Variants in CRYBG3 observed in about 807,000 individuals in gnomAD.
The protein encoded by CRYBG3 is crystallin beta-gamma domain containing 3, also known as very large A-kinase anchor protein.
In CRYBG3, 127 loss-of-function variants were observed where a neutral mutation model predicts 244.2. The ratio of observed to expected loss-of-function variants is 0.52; its 90% confidence interval spans 0.45 to 0.60. The LOEUF is 0.60. CRYBG3 is among the 20% of genes least tolerant of loss of function. CRYBG3 has a pLI of 0.00. For synonymous variants in CRYBG3, 1,132 were observed against 1,195.8 expected, an observed-to-expected ratio of 0.95 and a Z score of 1.10; for missense variants, 3,325 against 3,442.5, an observed-to-expected ratio of 0.97 and a Z score of 0.85.
intron 2 of CRYBG3, 137 bp from the exon 3 acceptor site, chr3:97,864,080 C>A (rs1232523399): frequency 3.5e-5 from 24 of 689,838 alleles, no homozygotes; most frequent in Non-Finnish European, 5.4e-5. Flanking sequence ...TTGTGAACTG[C>A]CCAAAGGAAC....
In CRYBG3 at chr3:97,846,919, G is replaced by A. The variant is rs537593130; in HGVS notation, c.216+3658G>A. Among the ~76,000 whole-genome samples, 14 of 152,254 alleles carry A rather than the reference G, an allele frequency of 9.2e-5. 1 individual carries two copies. Among genetic ancestry groups the A allele is most frequent in the African/African-American group, 2.6e-4 (11 of 41,532 alleles). On this transcript the variant is annotated intron_variant, in intron 2 of 21. Transcript: ENST00000389622. ...AGACTGGGTAATTTATAAAGAAAAG[G>A]CGTTTCATTGGCTTACAGTTCTGCA...
intron 2 of CRYBG3, among the ~76,000 whole-genome samples, chr3:97,860,527 G>A (rs1391519991): frequency 2.0e-5 from 3 of 152,152 alleles, no homozygotes; most frequent in Non-Finnish European, 4.4e-5. Flanking sequence ...GAGAGAGAGT[G>A]AGTCATATAG....
intron 19 of CRYBG3, among the ~76,000 whole-genome samples, chr3:97,938,006 G>T (rs2040183324): frequency 6.6e-6 from 1 of 152,036 alleles, no homozygotes; most frequent in Non-Finnish European, 1.5e-5. Context: ...GTATCAACAT[G>T]TGTAGGAGTA....
At chr3:97,934,308 T>A (rs7623235) in intron 18 of CRYBG3, among the ~76,000 whole-genome samples, 26,350 of 151,906 alleles carry the variant, frequency 0.17, 2,901 homozygotes, top group East Asian at 0.36. Context: ...TAAGAAAAAA[T>A]TTAAAATTAT....
At chr3:97,942,152 TATAGTATTTTTTTAG>T in intron 20 of CRYBG3, 117 bp from the exon 21 acceptor site, 1 of 664,898 alleles carries the variant, frequency 1.5e-6, no homozygotes, top group Non-Finnish European at 2.4e-6. Context: ...AATTATACTA[TATAGTATTTTTTTAG>T]ATAAGACACA....
Position 97,881,188 on chromosome 3 carries a change from T to C in CRYBG3, c.7121T>C (p.Phe2374Ser). 1 of 1,608,950 alleles carries C rather than the reference T, an allele frequency of 6.2e-7. No homozygotes were observed. The highest frequency in any genetic ancestry group is 8.5e-7 in the Non-Finnish European group (1 of 1,177,726). ...AACAGAAGGCATCCACAAAGAAACT[T>C]TATATTGGGTTCTCTCAAACGTGTC... is the stretch of plus-strand genomic sequence containing the variant. ...LQNRRHPQRN[F>S]ILGSLKRVLK... Residue 2374 changes from phenylalanine (F) to serine (S), a missense_variant, in exon 7 of 22, where the codon TTT (phenylalanine) becomes TCT (serine). By Grantham distance (155) the Phe-to-Ser change is radical. This residue lies in a region of CRYBG3 where 714 missense variants were observed against 803.6 expected (regional missense o/e 0.89). Coordinates refer to ENST00000389622, the MANE Select transcript of CRYBG3 (RefSeq NM_153605.4).
intron 3 of CRYBG3, among the ~76,000 whole-genome samples, chr3:97,866,202 C>T (rs1172135459): frequency 6.6e-6 from 1 of 152,124 alleles, no homozygotes; most frequent in Non-Finnish European, 1.5e-5. Flanking sequence ...ATAAGGCTGA[C>T]ACTCATATAC....
intron 1 of CRYBG3, among the ~76,000 whole-genome samples, chr3:97,834,816 G>A (rs1476012864): frequency 1.3e-5 from 2 of 152,004 alleles, no homozygotes; most frequent in African/African-American, 4.8e-5. Context: ...TGCATTTTTT[G>A]CACTCACTTG....
intron 15 of CRYBG3, among the ~76,000 whole-genome samples, chr3:97,903,101 T>C (rs182568846): frequency 1.3e-5 from 2 of 152,346 alleles, no homozygotes; most frequent in Admixed American, 6.5e-5. Flanking sequence ...TTTGGATTTA[T>C]TTAAACATTG....
chr3:97,886,772 G>C lies in CRYBG3; in HGVS notation c.7289+5G>C, dbSNP rs765987394. On this transcript the variant is annotated splice_donor_5th_base_variant and intron_variant, in intron 8 of 21. Transcript: ENST00000389622. ...CTTCACTGTGAAGTCAGGAGTGTACGTATCAGTTCCTTTTTATTATAGTGA... is the reference window on the plus strand; with the variant it reads ...CTTCACTGTGAAGTCAGGAGTGTACCTATCAGTTCCTTTTTATTATAGTGA... The C allele has an allele frequency of 3.2e-6, 5 of 1,562,650 alleles. No homozygotes were observed. Among genetic ancestry groups the C allele is most frequent in the African/African-American group, 2.8e-5 (2 of 72,082 alleles).
intron 17 of CRYBG3, among the ~76,000 whole-genome samples, chr3:97,929,985 G>A (rs192391576): frequency 7.2e-5 from 11 of 152,132 alleles, no homozygotes; most frequent in South Asian, 2.1e-4. Flanking sequence ...CAATACCAGC[G>A]TTTTGAAAAA....
intron 7 of CRYBG3, among the ~76,000 whole-genome samples, chr3:97,882,979 C>T (rs182304595): frequency 1.4e-4 from 22 of 152,206 alleles, no homozygotes; most frequent in South Asian, 2.1e-4. Context: ...CTTAAAGACT[C>T]GGGGAGAGCA....
chr3:97,828,979 G>T (rs1230056493), intron 1 of CRYBG3, among the ~76,000 whole-genome samples: 1 of 152,070 alleles, frequency 6.6e-6, no homozygotes, highest in African/African-American at 2.4e-5. Flanking sequence ...TATTTTGGGG[G>T]TATGGGGAAC....
Position 97,936,797 on chromosome 3 carries a change from T to C in CRYBG3, c.8394T>C (p.Tyr2798=), listed in dbSNP as rs1405579596. ...CTTGTTCTCATAGATGGATAGCTTA[T>C]GAAGGATCCAATTTCTTGGGAAGAC... The part of the protein sequence containing the change: ...VWVKSGLWIA[Y]EGSNFLGRQI... The change falls in exon 19 of 22, where the codon TAT becomes TAC. Residue 2798 remains tyrosine (Y), a synonymous_variant. Coordinates refer to ENST00000389622, the MANE Select transcript of CRYBG3 (RefSeq NM_153605.4). The C allele has an allele frequency of 1.2e-6, 2 of 1,612,974 alleles. No homozygotes were observed. Among genetic ancestry groups the C allele is most frequent in the Non-Finnish European group, 1.7e-6 (2 of 1,179,326 alleles).
At chr3:97,894,241 T>C (rs73138865) in intron 11 of CRYBG3, among the ~76,000 whole-genome samples, 5,915 of 152,292 alleles carry the variant, frequency 0.039, 178 homozygotes, top group Non-Finnish European at 0.06. Context: ...GAAAATTATC[T>C]GCTAAAATTC....
chr3:97,853,288 C>T (rs1289364278), intron 2 of CRYBG3, among the ~76,000 whole-genome samples: 2 of 151,710 alleles, frequency 1.3e-5, no homozygotes, highest in Non-Finnish European at 2.9e-5. Flanking sequence ...AGTTACTTCT[C>T]TTAGAATAAT....
intron 19 of CRYBG3, 140 bp downstream of exon 19, chr3:97,937,048 CTT>C: frequency 1.1e-6 from 1 of 901,652 alleles, no homozygotes; most frequent in East Asian, 2.7e-5. Flanking sequence ...ATGCGGATAT[CTT>C]GTACATTTTA....
At position 97,885,961 on chromosome 3, in the gene CRYBG3, A is replaced by G. The variant is rs191479510; in HGVS notation, c.7153-670A>G. On this transcript the variant is annotated intron_variant, in intron 7 of 21. Transcript: ENST00000389622. ...AAGGGCTGTGACAGTGGAAATATGT[A>G]AGAAGAGATATGCATGAGGGAAATT... Among the ~76,000 whole-genome samples the G allele has an allele frequency of 1.8e-4, 28 of 152,286 alleles. No individual in the cohort carries two copies. The East Asian group carries it at 5.2e-3, about 28-fold the overall frequency.
chr3:97,940,172 A>G (rs2040211011), intron 19 of CRYBG3, among the ~76,000 whole-genome samples: 1 of 152,026 alleles, frequency 6.6e-6, no homozygotes, highest in Admixed American at 6.6e-5. Flanking sequence ...GGCCTAAGTC[A>G]TAGGGCTGAA....
Sources: gnomAD v4.1 joint callset for allele counts (sites outside exome capture counted in the v4.1 genomes callset) on GRCh38, gnomAD v4.1.1 for gene constraint, gnomAD v4.1.1 regional missense constraint, MANE v1.5 for transcripts, NCBI Gene and HGNC (gene_info 2026-07-23, HGNC 2026-07-21) for gene names.